Variants in DAPK2 observed in about 807,000 individuals in gnomAD.
The protein encoded by DAPK2 is death associated protein kinase 2, also known as death-associated protein kinase 2.
DAPK2 carries 35 observed loss-of-function variants against 44.1 expected under a neutral mutation model. That is an observed-to-expected ratio of 0.79 (90% CI 0.61 to 1.05). DAPK2 has a LOEUF of 1.05. DAPK2 is among the 50% of genes least tolerant of loss of function. DAPK2 has a pLI of 0.00. For synonymous variants in DAPK2, 174 were observed against 182.6 expected, an observed-to-expected ratio of 0.95 and a Z score of 0.38; for missense variants, 453 against 483.2, an observed-to-expected ratio of 0.94 and a Z score of 0.59.
chr15:63,943,305 G>A (rs1166198700), intron 3 of DAPK2, among the ~76,000 whole-genome samples: 1 of 152,026 alleles, frequency 6.6e-6, no homozygotes, highest in Non-Finnish European at 1.5e-5. Flanking sequence ...GCACACACTT[G>A]TAGTCCCAGC....
intron 5 of DAPK2, among the ~76,000 whole-genome samples, chr15:63,930,099 T>C (rs1047634858): frequency 3.9e-5 from 6 of 152,162 alleles, no homozygotes; most frequent in Non-Finnish European, 7.4e-5. Context: ...ACTGTTACTA[T>C]TATATTTAAC....
Position 63,956,626 on chromosome 15 carries a change from G to T in DAPK2, c.453+14797C>A, listed in dbSNP as rs532738916. Among the ~76,000 whole-genome samples, 3 of 150,250 alleles carry T rather than the reference G, an allele frequency of 2.0e-5. No individual in the cohort carries two copies. The Admixed American group carries it at 2.0e-4, about 10-fold the overall frequency. On this transcript the variant is annotated intron_variant, in intron 3 of 10. Coordinates refer to ENST00000261891, the Ensembl canonical transcript of DAPK2. ...TTTTTAGATGGAGTCGCACTCCGTC[G>T]CCCAGGCTGGAGTGCAGTGGCGCAA...
chr15:63,924,840 C>T, exon 8 of DAPK2: 1 of 1,614,212 alleles, frequency 6.2e-7, no homozygotes, highest in East Asian at 2.2e-5. Context: ...GTCTGAGAGC[C>T]TCTTGGATTG....
intron 3 of DAPK2, among the ~76,000 whole-genome samples, chr15:63,965,792 A>G (rs952287610): frequency 6.6e-6 from 1 of 152,210 alleles, no homozygotes; most frequent in African/African-American, 2.4e-5. Flanking sequence ...CAAGGCCCCA[A>G]GACTCTTCAG....
intron 3 of DAPK2, among the ~76,000 whole-genome samples, chr15:63,941,779 A>G (rs1400961607): frequency 1.3e-5 from 2 of 152,206 alleles, no homozygotes; most frequent in African/African-American, 4.8e-5. Flanking sequence ...CTGTACAGAA[A>G]GGAGCATGAG....
chr15:63,908,408 G>T lies in DAPK2; in HGVS notation c.*112C>A. ...TGAATTCCTTGGGCCCATCTCTCTT[G>T]CAAAGTGCTCAGGACGCCCGGGTGC... On this transcript the variant is annotated 3_prime_UTR_variant, in exon 11 of 11. Coordinates refer to ENST00000261891, the Ensembl canonical transcript of DAPK2. The surrounding 1 kb of genome is among the most constrained non-coding windows in gnomAD (Gnocchi z 5.7). 1.8e-6 allele frequency: 1 copy of T among 570,948 alleles called. No homozygotes were observed. Among genetic ancestry groups the T allele is most frequent in the Non-Finnish European group, 2.9e-6 (1 of 347,080 alleles). 35.4% of individuals were successfully genotyped at this position (570,948 alleles called of 1,614,324 possible).
intron 10 of DAPK2, chr15:63,909,677 C>T (rs1222309270): frequency 6.6e-6 from 1 of 152,166 alleles, no homozygotes; most frequent in Non-Finnish European, 1.5e-5. Flanking sequence ...TGGTGCAAGC[C>T]TGTAATCCCA....
intron 8 of DAPK2, chr15:63,922,994 C>T (rs756115906): frequency 4.4e-5 from 67 of 1,535,760 alleles, no homozygotes; most frequent in Non-Finnish European, 5.4e-5. Flanking sequence ...GATGTCTTCT[C>T]GCAGCAGCTT....
At chr15:63,957,598 C>T (rs1042011590) in intron 3 of DAPK2, among the ~76,000 whole-genome samples, 2 of 148,038 alleles carry the variant, frequency 1.4e-5, no homozygotes, top group African/African-American at 2.5e-5. Context: ...TGAGTGAGAA[C>T]ATGCGGTGTT....
intron 8 of DAPK2, chr15:63,918,462 T>C (rs1206304965): frequency 6.6e-6 from 1 of 152,300 alleles, no homozygotes; most frequent in African/African-American, 2.4e-5. Context: ...TCCTTGAGAA[T>C]TGTTATTCAG....
At chr15:64,035,952 T>C (rs1390604293) in intron 1 of DAPK2, among the ~76,000 whole-genome samples, 1 of 152,098 alleles carries the variant, frequency 6.6e-6, no homozygotes, top group Non-Finnish European at 1.5e-5. Context: ...AGGATAAGGA[T>C]AGACAAAGCC....
Position 63,923,246 on chromosome 15 carries a change from C to T in DAPK2, c.858+1570G>A, listed in dbSNP as rs544527456. ...GACATAGGAGTTGTTGGGAGGCATG[C>T]TTGAGTGGCATTTGAGAGTGTACTC... On this transcript the variant is annotated intron_variant, in intron 8 of 10. Coordinates refer to ENST00000261891, the Ensembl canonical transcript of DAPK2. The surrounding 1 kb of genome is among the most constrained non-coding windows in gnomAD (Gnocchi z 4.2). The T allele has an allele frequency of 1.0e-4, 155 of 1,535,934 alleles. 1 individual carries two copies. The African/African-American group carries it at 1.9e-3, about 19-fold the overall frequency.
rs942702794 is a variant in DAPK2 at position 63,923,660 on chromosome 15, C to T, written c.858+1156G>A. On this transcript the variant is annotated intron_variant, in intron 8 of 10. Coordinates refer to ENST00000261891, the Ensembl canonical transcript of DAPK2. This position sits in a 1 kb window ranked among gnomAD's most constrained non-coding sequence, Gnocchi z 4.2. ...GGACTCCGCAGGCATCTGCGCAGGGCTGGAGCACGCAAGGCCAGGGCTCAC... is the reference window on the plus strand; with the variant it reads ...GGACTCCGCAGGCATCTGCGCAGGGTTGGAGCACGCAAGGCCAGGGCTCAC... Among the ~76,000 whole-genome samples the T allele has an allele frequency of 1.3e-4, 20 of 152,360 alleles. No individual in the cohort carries two copies. The highest frequency in any genetic ancestry group is 1.3e-3 in the Admixed American group (20 of 15,308).
chr15:63,957,598 C>A (rs1042011590), intron 3 of DAPK2, among the ~76,000 whole-genome samples: 8 of 148,142 alleles, frequency 5.4e-5, no homozygotes, highest in African/African-American at 1.5e-4. Context: ...TGAGTGAGAA[C>A]ATGCGGTGTT....
At chr15:63,998,462 C>G (rs963545247) in intron 1 of DAPK2, among the ~76,000 whole-genome samples, 3 of 152,254 alleles carry the variant, frequency 2.0e-5, no homozygotes, top group African/African-American at 7.2e-5. Flanking sequence ...CCTGCCACCA[C>G]ACTGTTCCTG....
At chr15:63,909,365 TGGGAAAA>T (rs2078725865) in intron 10 of DAPK2, 1 of 151,810 alleles carries the variant, frequency 6.6e-6, no homozygotes, top group Non-Finnish European at 1.5e-5. Context: ...AAAGTCCCTT[TGGGAAAA>T]CTGCATAACA....
At chr15:63,919,495 G>C (rs2079015297) in intron 8 of DAPK2, 1 of 150,574 alleles carries the variant, frequency 6.6e-6, no homozygotes, top group African/African-American at 2.4e-5. Flanking sequence ...TTATTTTTTT[G>C]AGACAGAGTC....
chr15:64,015,074 G>T (rs1185281252), intron 1 of DAPK2, among the ~76,000 whole-genome samples: 1 of 152,150 alleles, frequency 6.6e-6, no homozygotes, highest in Non-Finnish European at 1.5e-5. Context: ...CTGGACAGAA[G>T]AGGAGAGAAG....
At chr15:64,037,791 C>T (rs2080249522) in intron 1 of DAPK2, among the ~76,000 whole-genome samples, 1 of 152,186 alleles carries the variant, frequency 6.6e-6, no homozygotes, top group South Asian at 2.1e-4. Flanking sequence ...GAAGAGAGGA[C>T]CTCTAAAGGC....
Sources: gnomAD v4.1 joint callset for allele counts (sites outside exome capture counted in the v4.1 genomes callset) on GRCh38, gnomAD v4.1.1 for gene constraint, Gnocchi (gnomAD v3.1) non-coding constraint, MANE v1.5 for transcripts, NCBI Gene and HGNC (gene_info 2026-07-23, HGNC 2026-07-21) for gene names.